NEXMIF: variants seen among roughly 807,000 people sequenced by gnomAD.
NEXMIF encodes the protein neurite extension and migration factor.
NEXMIF carries 8 observed loss-of-function variants against 62.1 expected under a neutral mutation model. The ratio of observed to expected loss-of-function variants is 0.13; its 90% CI spans 0.08 to 0.23. The LOEUF (loss-of-function observed/expected upper bound fraction) is 0.23, where lower values mean the gene tolerates loss of function less well. Among genes scored for constraint, NEXMIF ranks in the 10% least tolerant of loss-of-function variants. The pLI is 1.00. For missense variants in NEXMIF, 976 were observed against 1,113.3 expected (o/e 0.88, Z 1.75); for synonymous variants, 404 against 416.6 (o/e 0.97, Z 0.37).
intron 1 of NEXMIF, among the ~76,000 whole-genome samples, chrX:74,907,863 C>T (rs1171686144): frequency 9.0e-6 from 1 of 111,461 alleles, no homozygotes; most frequent in African/African-American, 3.3e-5. Flanking sequence ...CTCAGCTGGC[C>T]ATCTCAACAA....
intron 1 of NEXMIF, among the ~76,000 whole-genome samples, chrX:74,882,802 T>C (rs2080671502): frequency 8.9e-6 from 1 of 112,160 alleles, no homozygotes; most frequent in South Asian, 3.7e-4. Flanking sequence ...AGAGTAGTGG[T>C]TCTCCCAGCA....
intron 1 of NEXMIF, among the ~76,000 whole-genome samples, chrX:74,846,541 T>G (rs1386110811): frequency 8.9e-6 from 1 of 112,217 alleles, no homozygotes; most frequent in Non-Finnish European, 1.9e-5. Flanking sequence ...CATATGAGAA[T>G]GACAGAAGAA....
chrX:74,840,717 G>A (rs1025979900), intron 1 of NEXMIF, among the ~76,000 whole-genome samples: 6 of 111,646 alleles, frequency 5.4e-5, no homozygotes, highest in Admixed American at 9.5e-5. Context: ...CAGTTATCTC[G>A]TCACTATTTA....
intron 1 of NEXMIF, among the ~76,000 whole-genome samples, chrX:74,824,024 G>T (rs1053484776): frequency 5.4e-5 from 6 of 111,091 alleles, no homozygotes; most frequent in Admixed American, 4.8e-4. Context: ...AAGTTTAATT[G>T]CTTCCCCTCC....
intron 1 of NEXMIF, among the ~76,000 whole-genome samples, chrX:74,757,964 G>C (rs1237686889): frequency 8.9e-6 from 1 of 111,756 alleles, no homozygotes; most frequent in Non-Finnish European, 1.9e-5. Flanking sequence ...GTTTCATTTA[G>C]TCGTGTTAGC....
chrX:74,753,297 A>C, intron 1 of NEXMIF, among the ~76,000 whole-genome samples: 1 of 111,905 alleles, frequency 8.9e-6, no homozygotes, highest in Non-Finnish European at 1.9e-5. Flanking sequence ...GTCTCATCCC[A>C]AACTCCCCAT....
chrX:74,887,355 G>A (rs1324112645), intron 1 of NEXMIF, among the ~76,000 whole-genome samples: 2 of 110,967 alleles, frequency 1.8e-5, no homozygotes, highest in African/African-American at 3.3e-5. Context: ...CCATCAGAGT[G>A]AACAGGCAAC....
intron 1 of NEXMIF, among the ~76,000 whole-genome samples, chrX:74,840,879 T>G (rs1311702007): frequency 8.9e-6 from 1 of 112,057 alleles, no homozygotes; most frequent in African/African-American, 3.2e-5. Flanking sequence ...TTTTGGTTAC[T>G]GTAGCCCTGT....
At chrX:74,788,931 G>T (rs1438884190) in intron 1 of NEXMIF, among the ~76,000 whole-genome samples, 2 of 110,965 alleles carry the variant, frequency 1.8e-5, no homozygotes, top group Admixed American at 1.9e-4. Flanking sequence ...GGTAGGAGAA[G>T]AAGACATCCC....
At chrX:74,805,247 G>T (rs980794311) in intron 1 of NEXMIF, among the ~76,000 whole-genome samples, 1 of 111,794 alleles carries the variant, frequency 8.9e-6, no homozygotes, top group African/African-American at 3.2e-5. Flanking sequence ...AAGGTGCTTT[G>T]TGTGTGTGTG....
At chrX:74,884,006 A>G (rs1047970669) in intron 1 of NEXMIF, among the ~76,000 whole-genome samples, 5 of 112,385 alleles carry the variant, frequency 4.4e-5, no homozygotes, top group Non-Finnish European at 9.4e-5. Flanking sequence ...ATTCTTAAAG[A>G]AAAGAATTTT....
intron 1 of NEXMIF, among the ~76,000 whole-genome samples, chrX:74,872,552 T>G (rs2676497): frequency 0.066 from 7,155 of 109,020 alleles, 591 homozygotes; most frequent in African/African-American, 0.23. Flanking sequence ...AAAAAGTAAT[T>G]TACTATAGTC....
chrX:74,885,252 CA>C (rs1255970571), intron 1 of NEXMIF, among the ~76,000 whole-genome samples: 1 of 110,814 alleles, frequency 9.0e-6, no homozygotes, highest in Non-Finnish European at 1.9e-5. Context: ...GAAGCAACAG[CA>C]AAAAAATTCA....
intron 1 of NEXMIF, among the ~76,000 whole-genome samples, chrX:74,897,701 G>C (rs754297000): frequency 9.0e-6 from 1 of 111,479 alleles, no homozygotes; most frequent in Non-Finnish European, 1.9e-5. Flanking sequence ...AGGGGGTAAT[G>C]GTGGATGTTT....
At chrX:74,875,276 G>A (rs1291446839) in intron 1 of NEXMIF, among the ~76,000 whole-genome samples, 1 of 111,309 alleles carries the variant, frequency 9.0e-6, no homozygotes, top group Non-Finnish European at 1.9e-5. Context: ...CTTTGGTTCT[G>A]TTTATATGCT....
chrX:74,794,124 T>C (rs1479860281), intron 1 of NEXMIF, among the ~76,000 whole-genome samples: 1 of 107,123 alleles, frequency 9.3e-6, no homozygotes, highest in Non-Finnish European at 1.9e-5. Context: ...CTTTTGGTCT[T>C]TGATGATGGT....
intron 1 of NEXMIF, 136 bp downstream of exon 1, chrX:74,924,747 C>A (rs1014122874): frequency 8.8e-6 from 1 of 113,998 alleles, no homozygotes; most frequent in Non-Finnish European, 1.9e-5. Flanking sequence ...ATACAGACGT[C>A]CTCCGTTCCG....
chrX:74,744,930 C>CTCT (rs1556016953), intron 2 of NEXMIF, among the ~76,000 whole-genome samples: 7 of 86,571 alleles, frequency 8.1e-5, no homozygotes, highest in African/African-American at 2.6e-4. Flanking sequence ...TTCTCTCTCT[C>CTCT]CTCTCTCTCT....
intron 1 of NEXMIF, chrX:74,769,902 T>C (rs1022094829): frequency 3.5e-6 from 1 of 289,102 alleles, no homozygotes; most frequent in East Asian, 5.4e-5. Context: ...ATATCCCCTG[T>C]TGTTATATAC....
Sources: allele counts gnomAD v4.1 joint callset (sites outside exome capture counted in the v4.1 genomes callset), GRCh38; gene constraint gnomAD v4.1.1; transcripts MANE v1.5; gene names NCBI Gene and HGNC (gene_info 2026-07-23, HGNC 2026-07-21).